The following ATXN10 variants were observed in gnomAD, a reference collection of about 807,000 sequenced individuals.
ATXN10 encodes ataxin-10.
A neutral mutation model predicts 52.9 loss-of-function variants in ATXN10; 28 were observed. The observed-to-expected ratio is 0.53, with a 90% CI of 0.39 to 0.73. The LOEUF is 0.73. Among genes scored for constraint, ATXN10 ranks in the 30% least tolerant of loss-of-function variants. ATXN10 has a pLI of 0.00. For synonymous variants in ATXN10, 226 were observed against 221.5 expected, an observed-to-expected ratio of 1.02 and a Z score of -0.18; for missense variants, 565 against 577.0, an observed-to-expected ratio of 0.98 and a Z score of 0.21.
intron 10 of ATXN10, chr22:45,811,621 G>A (rs1032930053): frequency 2.3e-6 from 1 of 435,142 alleles, no homozygotes; most frequent in African/African-American, 2.0e-5. Context: ...TGTGTAGTAG[G>A]TTACTAGGTA....
Position 45,789,625 on chromosome 22 carries a change from G to A in ATXN10, c.1174-17334G>A, listed in dbSNP as rs994157200. Among the ~76,000 whole-genome samples, 9 of 152,194 alleles carry A rather than the reference G, an allele frequency of 5.9e-5. No homozygotes were observed. Among genetic ancestry groups the A allele is most frequent in the East Asian group, 1.9e-4 (1 of 5,198 alleles). On this transcript the variant is annotated intron_variant, in intron 9 of 11. Coordinates refer to ENST00000252934, the MANE Select transcript of ATXN10 (RefSeq NM_013236.4). This position sits in a 1 kb window ranked among gnomAD's most constrained non-coding sequence, Gnocchi z 4.0. Reference sequence around the variant, plus strand: ...AGTATGTTAATACAGCTCTCTCCACGACAAGAAGAAGAGAGGGAGAGCCTT... The same window carrying A: ...AGTATGTTAATACAGCTCTCTCCACAACAAGAAGAAGAGAGGGAGAGCCTT...
rs1923319342 is a variant in ATXN10, at chr22:45,690,276, A to AG, written c.308+376dup. Among the ~76,000 whole-genome samples, 1 of 150,560 alleles carries AG rather than the reference A, an allele frequency of 6.6e-6. No individual in the cohort carries two copies. Among genetic ancestry groups the AG allele is most frequent in the Non-Finnish European group, 1.5e-5 (1 of 67,612 alleles). ...GGGCCACATTGTGAGACCCTGTCTCAGGGAAAAAAAAAAAAAAAAAGTTGT... is the reference window on the plus strand; with the variant it reads ...GGGCCACATTGTGAGACCCTGTCTCAGGGGAAAAAAAAAAAAAAAAAGTTGT... On this transcript the variant is annotated intron_variant, in intron 2 of 11. Transcript: ENST00000252934. The surrounding 1 kb of genome is among the most constrained non-coding windows in gnomAD (Gnocchi z 4.5).
At position 45,824,321 on chromosome 22, in the gene ATXN10, CT is replaced by C. The variant is rs1928749918; in HGVS notation, c.1237+17302del. On this transcript the variant is annotated intron_variant, in intron 10 of 11. Coordinates refer to ENST00000252934, the MANE Select transcript of ATXN10 (RefSeq NM_013236.4). The surrounding 1 kb of genome is among the most constrained non-coding windows in gnomAD (Gnocchi z 5.2). ...TAAATATTATTTATTTAAGATAAGT[CT>C]TTCATGATCCCAACTCAAATTTAAG... is the stretch of plus-strand genomic sequence containing the variant. Among the ~76,000 whole-genome samples the C allele has an allele frequency of 6.6e-6, 1 of 152,194 alleles. No homozygotes were observed. The highest frequency in any genetic ancestry group is 6.5e-5 in the Admixed American group (1 of 15,288).
chr22:45,689,230 G>A (rs1360733549), intron 1 of ATXN10, among the ~76,000 whole-genome samples: 2 of 152,174 alleles, frequency 1.3e-5, no homozygotes, highest in African/African-American at 2.4e-5. Flanking sequence ...GGTGACAGAG[G>A]ACCAGAATAT....
intron 10 of ATXN10, among the ~76,000 whole-genome samples, chr22:45,814,710 T>C (rs972658163): frequency 1.3e-5 from 2 of 151,970 alleles, no homozygotes; most frequent in Non-Finnish European, 2.9e-5. Flanking sequence ...CAGCTGGAGG[T>C]GAGCAAGCAT....
At chr22:45,806,094 A>G (rs1239245457) in intron 9 of ATXN10, among the ~76,000 whole-genome samples, 5 of 152,250 alleles carry the variant, frequency 3.3e-5, no homozygotes, top group Non-Finnish European at 7.3e-5. Context: ...CTGTAATTTT[A>G]GAAATGGGGT....
intron 7 of ATXN10, among the ~76,000 whole-genome samples, chr22:45,729,922 G>A (rs181777946): frequency 1.1e-4 from 17 of 152,044 alleles, no homozygotes; most frequent in African/African-American, 3.1e-4. Flanking sequence ...TTTTTTCTTC[G>A]GAATGTAAGC....
At chr22:45,832,265 C>G (rs1407809528) in intron 10 of ATXN10, among the ~76,000 whole-genome samples, 1 of 152,238 alleles carries the variant, frequency 6.6e-6, no homozygotes, top group Non-Finnish European at 1.5e-5. Context: ...TGACTGACCT[C>G]TGCTTCTTTT....
intron 6 of ATXN10, among the ~76,000 whole-genome samples, chr22:45,724,823 A>G (rs1924803965): frequency 1.3e-5 from 2 of 152,150 alleles, no homozygotes; most frequent in South Asian, 4.2e-4. Flanking sequence ...ATCCATCTCA[A>G]GTTGATTTTT....
rs1923314847 is a variant in ATXN10 at position 45,690,163 on chromosome 22, C to T, written c.308+260C>T. 6.6e-6 allele frequency among the ~76,000 whole-genome samples: 1 copy of T among 151,894 alleles called. No homozygotes were observed. The highest frequency in any genetic ancestry group is 1.5e-5 in the Non-Finnish European group (1 of 67,990). On this transcript the variant is annotated intron_variant, in intron 2 of 11. Coordinates refer to ENST00000252934, the MANE Select transcript of ATXN10 (RefSeq NM_013236.4). This position sits in a 1 kb window ranked among gnomAD's most constrained non-coding sequence, Gnocchi z 4.5. ...TGGTGGCGCACACCTGTAGTCCCAA[C>T]TGCTCAGGAGACTGAGGTGGGAGGA...
intron 9 of ATXN10, among the ~76,000 whole-genome samples, chr22:45,764,002 C>T (rs888656310): frequency 1.3e-5 from 2 of 151,932 alleles, no homozygotes; most frequent in African/African-American, 4.8e-5. Flanking sequence ...TTCCAGAATT[C>T]GGCCAGCCAG....
At position 45,845,033 on chromosome 22, in the gene ATXN10, C is replaced by T. The variant is rs1023699581; in HGVS notation, c.*1362C>T. ...ATTTTTTCTCTCATTTATGACTTTC[C>T]ATCAGTAAAGAAGCCATTGCAGAAT... is the stretch of plus-strand genomic sequence containing the variant. On this transcript the variant is annotated 3_prime_UTR_variant, in exon 12 of 12. Coordinates refer to ENST00000252934, the MANE Select transcript of ATXN10 (RefSeq NM_013236.4). The surrounding 1 kb of genome is among the most constrained non-coding windows in gnomAD (Gnocchi z 4.7). The T allele has an allele frequency of 6.6e-6, 1 of 152,174 alleles. No homozygotes were observed. Among genetic ancestry groups the T allele is most frequent in the African/African-American group, 2.4e-5 (1 of 41,440 alleles). 9.4% of individuals were successfully genotyped at this position (152,174 alleles called of 1,614,324 possible). A position where few individuals can be genotyped will look rare whatever the true frequency, so the allele number is the denominator to read the frequency against.
intron 9 of ATXN10, among the ~76,000 whole-genome samples, chr22:45,741,558 C>T (rs1007627064): frequency 6.6e-6 from 1 of 152,118 alleles, no homozygotes; most frequent in African/African-American, 2.4e-5. Flanking sequence ...GTGCGAGAAA[C>T]CATCTTGGGA....
At chr22:45,810,498 T>A (rs1893726932) in intron 10 of ATXN10, among the ~76,000 whole-genome samples, 1 of 152,240 alleles carries the variant, frequency 6.6e-6, no homozygotes, top group Non-Finnish European at 1.5e-5. Context: ...ACAGAAAACC[T>A]CGTTTACCAC....
rs1010766452 is a variant in ATXN10 at position 45,837,302 on chromosome 22, C to T, written c.1238-5689C>T. ...TGAGACAGAGTCTTGCTCTGTCGCC[C>T]AGGCTGCAGTGCAGTGGCGCAATCT... On this transcript the variant is annotated intron_variant, in intron 10 of 11. Transcript: ENST00000252934. The surrounding 1 kb of genome is among the most constrained non-coding windows in gnomAD (Gnocchi z 5.8). Among the ~76,000 whole-genome samples the T allele has an allele frequency of 2.6e-5, 4 of 152,138 alleles. No homozygotes were observed. The highest frequency in any genetic ancestry group is 9.7e-5 in the African/African-American group (4 of 41,428).
At position 45,681,724 on chromosome 22, in the gene ATXN10, A is replaced by G. The variant is rs554151485; in HGVS notation, c.117-7988A>G. Among the ~76,000 whole-genome samples the G allele has an allele frequency of 3.3e-5, 5 of 152,204 alleles. No individual in the cohort carries two copies. The East Asian group carries it at 9.7e-4, about 29-fold the overall frequency. ...TCTCACTTTAACTTGCTGATCACTA[A>G]CTAACGTGGCCCTTAATGCTACCTG... On this transcript the variant is annotated intron_variant, in intron 1 of 11. Coordinates refer to ENST00000252934, the MANE Select transcript of ATXN10 (RefSeq NM_013236.4). This position sits in a 1 kb window ranked among gnomAD's most constrained non-coding sequence, Gnocchi z 4.2.
At chr22:45,735,208 T>C (rs1328378136) in intron 7 of ATXN10, among the ~76,000 whole-genome samples, 4 of 152,106 alleles carry the variant, frequency 2.6e-5, no homozygotes, top group African/African-American at 9.7e-5. Context: ...ACATTTAATA[T>C]ACAGATTGGT....
At position 45,843,863 on chromosome 22, in the gene ATXN10, A is replaced by G; in HGVS notation, c.*192A>G. On this transcript the variant is annotated 3_prime_UTR_variant, in exon 12 of 12. Coordinates refer to ENST00000252934, the MANE Select transcript of ATXN10 (RefSeq NM_013236.4). The surrounding 1 kb of genome is among the most constrained non-coding windows in gnomAD (Gnocchi z 4.5). ...ACTGAGTGTTCTCTTGTTTCTTTGCATTAATGTAACTGTGTGGTTTGCCTT... is the reference window on the plus strand; with the variant it reads ...ACTGAGTGTTCTCTTGTTTCTTTGCGTTAATGTAACTGTGTGGTTTGCCTT... The G allele has an allele frequency of 1.6e-6, 1 of 627,478 alleles. No individual in the cohort carries two copies. Among genetic ancestry groups the G allele is most frequent in the Non-Finnish European group, 2.8e-6 (1 of 356,288 alleles). 38.9% of individuals were successfully genotyped at this position (627,478 alleles called of 1,614,324 possible).
chr22:45,691,181 C>A (rs549560350), intron 2 of ATXN10, among the ~76,000 whole-genome samples: 1 of 152,306 alleles, frequency 6.6e-6, no homozygotes, highest in East Asian at 1.9e-4. Flanking sequence ...TAGTTATATG[C>A]TAGAAGCATC....
Sources: allele counts gnomAD v4.1 joint callset (sites outside exome capture counted in the v4.1 genomes callset), GRCh38; gene constraint gnomAD v4.1.1; non-coding constraint Gnocchi (gnomAD v3.1); transcripts MANE v1.5; gene names NCBI Gene and HGNC (gene_info 2026-07-23, HGNC 2026-07-21).